POC1A: variants seen among roughly 807,000 people sequenced by gnomAD.
The protein encoded by POC1A is POC1 centriolar protein homolog A.
A neutral mutation model predicts 47.8 loss-of-function variants in POC1A; 34 were observed. That is an observed-to-expected ratio of 0.71 (90% CI 0.54 to 0.95). The LOEUF (loss-of-function observed/expected upper bound fraction) is 0.95, where lower values mean the gene tolerates loss of function less well. Among genes scored for constraint, POC1A ranks in the 40% least tolerant of loss-of-function variants. The pLI, the probability that POC1A is intolerant of heterozygous loss-of-function variation, is 0.00. For missense variants in POC1A, 466 were observed against 528.3 expected (o/e 0.88, Z 1.16); for synonymous variants, 177 against 207.6 (o/e 0.85, Z 1.27).
At chr3:52,120,170 G>A (rs1039884919) in intron 9 of POC1A, among the ~76,000 whole-genome samples, 37 of 152,286 alleles carry the variant, frequency 2.4e-4, no homozygotes, top group Admixed American at 2.2e-3. Context: ...GGAAATAGAC[G>A]GTGATGGTTG....
intron 7 of POC1A, among the ~76,000 whole-genome samples, chr3:52,132,125 C>T (rs1704236195): frequency 6.6e-6 from 1 of 152,196 alleles, no homozygotes; most frequent in African/African-American, 2.4e-5. Flanking sequence ...TAGACACATC[C>T]TCTCCTACCA....
At chr3:52,082,156 G>C (rs1478777840) in intron 10 of POC1A, among the ~76,000 whole-genome samples, 1 of 152,096 alleles carries the variant, frequency 6.6e-6, no homozygotes, top group East Asian at 1.9e-4. Flanking sequence ...ATCCTATTGA[G>C]GGCAGCCAGT....
intron 4 of POC1A, among the ~76,000 whole-genome samples, chr3:52,148,652 C>T (rs1037430008): frequency 2.0e-5 from 3 of 152,206 alleles, no homozygotes; most frequent in Non-Finnish European, 2.9e-5. Flanking sequence ...CCGAAGCCTG[C>T]GCCCCCATCT....
intron 6 of POC1A, among the ~76,000 whole-genome samples, chr3:52,145,265 A>G (rs1698325603): frequency 6.6e-6 from 1 of 152,166 alleles, no homozygotes; most frequent in South Asian, 2.1e-4. Flanking sequence ...GGAGCCTGAC[A>G]TGAGCCCATG....
rs771140535 is a variant in POC1A, at chr3:52,139,858, G to A, written c.680-1556C>T. 4.6e-5 allele frequency among the ~76,000 whole-genome samples: 7 copies of A among 152,172 alleles called. No individual in the cohort carries two copies. The East Asian group carries it at 5.8e-4, about 13-fold the overall frequency. On this transcript the variant is annotated intron_variant, in intron 6 of 10. Transcript: ENST00000296484. ...CTGGGGGCACACCTGGGCAGTCTACGTGGGGACAGAGCAACTCCACAGCCA... is the reference window on the plus strand; with the variant it reads ...CTGGGGGCACACCTGGGCAGTCTACATGGGGACAGAGCAACTCCACAGCCA...
rs1577926706 is a variant in POC1A at position 52,149,102 on chromosome 3, A to G, written c.455+108T>C. The G allele has an allele frequency of 3.6e-6, 3 of 840,440 alleles. No individual in the cohort carries two copies. The East Asian group carries it at 7.4e-5, about 21-fold the overall frequency. The allele number at this position is 840,440 out of a possible 1,614,324, so 52.1% of individuals were successfully genotyped here. ...AAACCGAGGCTGAGGAAGCTTAAAC[A>G]ATGCCTAAGTAACTTGCCCGAGGTC... is the stretch of plus-strand genomic sequence containing the variant. On this transcript the variant is annotated intron_variant, in intron 4 of 10. Coordinates refer to ENST00000296484, the MANE Select transcript of POC1A (RefSeq NM_015426.5).
chr3:52,124,594 G>A (rs1309896715), intron 8 of POC1A, among the ~76,000 whole-genome samples: 1 of 152,216 alleles, frequency 6.6e-6, no homozygotes, highest in Non-Finnish European at 1.5e-5. Context: ...TCTGAAGTGA[G>A]ACAGGCCCCA....
chr3:52,106,180 CAAAAAAAAAAAA>C (rs11350232), intron 9 of POC1A, among the ~76,000 whole-genome samples: 4 of 73,576 alleles, frequency 5.4e-5, no homozygotes, highest in African/African-American at 2.1e-4. Flanking sequence ...GACTACGTCT[CAAAAAAAAAAAA>C]AAAAAAAAAA....
At chr3:52,136,517 G>A (rs1342384351) in intron 7 of POC1A, among the ~76,000 whole-genome samples, 1 of 152,178 alleles carries the variant, frequency 6.6e-6, no homozygotes, top group Non-Finnish European at 1.5e-5. Flanking sequence ...CTAGAGAGCC[G>A]ATGATGAATG....
intron 1 of POC1A, among the ~76,000 whole-genome samples, chr3:52,153,635 C>G (rs890214335): frequency 6.6e-6 from 1 of 152,260 alleles, no homozygotes; most frequent in African/African-American, 2.4e-5. Flanking sequence ...CCCATGGTAT[C>G]TCTCAACACC....
At chr3:52,105,122 G>A (rs1335162141) in intron 9 of POC1A, among the ~76,000 whole-genome samples, 1 of 152,220 alleles carries the variant, frequency 6.6e-6, no homozygotes, top group Admixed American at 6.5e-5. Flanking sequence ...GAGGGGAGAA[G>A]AAGGTGACCT....
At chr3:52,089,659 C>T (rs1323624522) in intron 10 of POC1A, among the ~76,000 whole-genome samples, 5 of 152,206 alleles carry the variant, frequency 3.3e-5, no homozygotes, top group South Asian at 2.1e-4. Flanking sequence ...GGGCTGCACA[C>T]GCCCTCCTGG....
chr3:52,097,232 G>A (rs1702848070), intron 9 of POC1A, among the ~76,000 whole-genome samples: 1 of 152,258 alleles, frequency 6.6e-6, no homozygotes, highest in South Asian at 2.1e-4. Context: ...AGAACTTGGT[G>A]GAAGTGTGTG....
chr3:52,101,545 A>G (rs1018385286), intron 9 of POC1A, among the ~76,000 whole-genome samples: 6 of 152,234 alleles, frequency 3.9e-5, no homozygotes, highest in East Asian at 1.9e-4. Flanking sequence ...CAAATGGAGA[A>G]TTTCAGCAGA....
chr3:52,090,906 T>C lies in POC1A; in HGVS notation c.1125+5663A>G, dbSNP rs779956303. On this transcript the variant is annotated intron_variant, in intron 10 of 10. Transcript: ENST00000296484. The surrounding 1 kb of genome is among the most constrained non-coding windows in gnomAD (Gnocchi z 4.2). The stretch of plus-strand genomic sequence containing the variant: ...GGCCCCAGGGGAAGTCCTGGCCCCA[T>C]GTGAAGAGGCTGACCTCTGCTGCCC... 6.6e-6 allele frequency among the ~76,000 whole-genome samples: 1 copy of C among 152,040 alleles called. No individual in the cohort carries two copies. The highest frequency in any genetic ancestry group is 6.5e-5 in the Admixed American group (1 of 15,276).
intron 9 of POC1A, among the ~76,000 whole-genome samples, chr3:52,120,055 G>A (rs906571195): frequency 2.0e-5 from 3 of 152,170 alleles, no homozygotes; most frequent in Admixed American, 6.5e-5. Flanking sequence ...CAAGAAGGGC[G>A]AGAGCACACT....
intron 5 of POC1A, 100 bp from the exon 6 acceptor site, chr3:52,146,061 C>T (rs998768979): frequency 3.5e-5 from 24 of 693,170 alleles, no homozygotes; most frequent in Non-Finnish European, 4.9e-5. Context: ...GTCCTGCCCA[C>T]GCTGTTCCCT....
At chr3:52,106,229 G>T (rs1454170922) in intron 9 of POC1A, among the ~76,000 whole-genome samples, 1 of 151,052 alleles carries the variant, frequency 6.6e-6, no homozygotes, top group African/African-American at 2.4e-5. Context: ...GGGGCCTGGA[G>T]GTCCACAGTC....
Position 52,096,707 on chromosome 3 carries a change from T to G in POC1A, c.987A>C (p.Glu329Asp). 1 of 1,585,206 alleles carries G rather than the reference T, an allele frequency of 6.3e-7. No individual in the cohort carries two copies. The highest frequency in any genetic ancestry group is 8.5e-7 in the Non-Finnish European group (1 of 1,170,288). ...TGCCTGGGGGGACAGGGAAGTCCAC[T>G]TCTGGCTAAAGACAGAAAGAAAAAA... ...TLASSMGNLP[E>D]VDFPVPPGRG... The change falls in exon 10 of 11, where the codon GAA becomes GAC. Residue 329 changes from glutamate (E) to aspartate (D), a missense_variant. Coordinates refer to ENST00000296484, the MANE Select transcript of POC1A (RefSeq NM_015426.5).
Sources: gnomAD v4.1 joint callset for allele counts (sites outside exome capture counted in the v4.1 genomes callset) on GRCh38, gnomAD v4.1.1 for gene constraint, Gnocchi (gnomAD v3.1) non-coding constraint, MANE v1.5 for transcripts, NCBI Gene and HGNC (gene_info 2026-07-23, HGNC 2026-07-21) for gene names.